Variants in PDE10A observed in about 807,000 individuals in gnomAD.
PDE10A encodes phosphodiesterase 10A, also known as cAMP and cAMP-inhibited cGMP 3',5'-cyclic phosphodiesterase 10A.
PDE10A carries 39 observed loss-of-function variants against 97.7 expected under a neutral mutation model. The observed-to-expected ratio is 0.40, with a 90% CI of 0.31 to 0.52. The LOEUF is 0.52. PDE10A is among the 20% of genes least tolerant of loss of function. The pLI, the probability that PDE10A is intolerant of heterozygous loss-of-function variation, is 0.56. For missense variants in PDE10A, 731 were observed against 1,047.8 expected, an observed-to-expected ratio of 0.70 and a Z score of 4.17; for synonymous variants, 371 against 376.8, an observed-to-expected ratio of 0.98 and a Z score of 0.18.
At chr6:165,455,960 T>C (rs763393411) in intron 3 of PDE10A, among the ~76,000 whole-genome samples, 7 of 152,226 alleles carry the variant, frequency 4.6e-5, no homozygotes, top group Non-Finnish European at 7.3e-5. Flanking sequence ...ATAAAAATCA[T>C]GAACACTTGA....
chr6:165,872,835 C>A (rs1044267846), intron 1 of PDE10A, among the ~76,000 whole-genome samples: 8 of 152,194 alleles, frequency 5.3e-5, no homozygotes, highest in African/African-American at 9.7e-5. Context: ...GTAACCACCA[C>A]CAACACTACT....
At chr6:165,874,045 T>C (rs1583218217) in intron 1 of PDE10A, among the ~76,000 whole-genome samples, 1 of 152,184 alleles carries the variant, frequency 6.6e-6, no homozygotes, top group East Asian at 1.9e-4. Context: ...AACAACATTT[T>C]GTGAGAAAAT....
At chr6:165,869,310 G>GA (rs1414843599) in intron 1 of PDE10A, among the ~76,000 whole-genome samples, 1 of 149,314 alleles carries the variant, frequency 6.7e-6, no homozygotes, top group East Asian at 2.0e-4. Context: ...CAACCTAGCT[G>GA]AAAAAAAATC....
At chr6:165,336,011 C>T (rs1054343013) in intron 21 of PDE10A, 112 bp downstream of exon 21, 9 of 861,720 alleles carry the variant, frequency 1.0e-5, no homozygotes, top group Non-Finnish European at 1.5e-5. Flanking sequence ...CACAACAACT[C>T]GACATCTAGA....
intron 1 of PDE10A, among the ~76,000 whole-genome samples, chr6:165,951,416 A>G (rs1434061516): frequency 1.3e-5 from 2 of 152,020 alleles, no homozygotes; most frequent in Admixed American, 6.6e-5. Context: ...TTTCTGATCT[A>G]TTGGCTAACA....
At chr6:165,555,862 G>A (rs1426890201) in intron 1 of PDE10A, among the ~76,000 whole-genome samples, 2 of 152,142 alleles carry the variant, frequency 1.3e-5, no homozygotes, top group Non-Finnish European at 2.9e-5. Flanking sequence ...CAAGCCAGAG[G>A]AATGTGAAGT....
At chr6:165,926,823 G>C (rs1017167557) in intron 1 of PDE10A, among the ~76,000 whole-genome samples, 2 of 152,172 alleles carry the variant, frequency 1.3e-5, no homozygotes, top group Non-Finnish European at 2.9e-5. Context: ...TGAAGATGTT[G>C]TACTTTACAT....
chr6:165,914,397 A>G (rs1782548266), intron 1 of PDE10A, among the ~76,000 whole-genome samples: 1 of 152,234 alleles, frequency 6.6e-6, no homozygotes, highest in East Asian at 1.9e-4. Context: ...ACATAATTCC[A>G]GGGGTTCGCC....
At chr6:165,906,006 T>TCCCTCCCTCCCTCCCTCCCTCCCCTC (rs1562791915) in intron 1 of PDE10A, among the ~76,000 whole-genome samples, 1 of 44,086 alleles carries the variant, frequency 2.3e-5, no homozygotes, top group African/African-American at 9.7e-5. Flanking sequence ...CTTCCTTCCT[T>TCCCTCCCTCCCTCCCTCCCTCCCCTC]CCTTCCTTCC....
rs559466003 is a variant in PDE10A at position 165,484,214 on chromosome 6, C to A, written c.995-1871G>T. Reference sequence around the variant, plus strand: ...TTTCATTTAGTTGAACTCTCTTGCCCAAGAAAAATTTAAGCATGTTGAAGA... The same window carrying A: ...TTTCATTTAGTTGAACTCTCTTGCCAAAGAAAAATTTAAGCATGTTGAAGA... On this transcript the variant is annotated intron_variant, in intron 2 of 21. Transcript: ENST00000539869. 2.0e-5 allele frequency among the ~76,000 whole-genome samples: 3 copies of A among 152,250 alleles called. No individual in the cohort carries two copies. The East Asian group carries it at 5.8e-4, about 29-fold the overall frequency.
intron 1 of PDE10A, among the ~76,000 whole-genome samples, chr6:165,915,191 A>G (rs1282711621): frequency 6.6e-6 from 1 of 152,100 alleles, no homozygotes; most frequent in Non-Finnish European, 1.5e-5. Flanking sequence ...TACAACTAGA[A>G]GTGTGGTAAC....
chr6:165,420,448 G>A (rs1358025066), intron 10 of PDE10A, among the ~76,000 whole-genome samples: 1 of 152,172 alleles, frequency 6.6e-6, no homozygotes, highest in African/African-American at 2.4e-5. Flanking sequence ...AAGGCACAGC[G>A]AGAGTGATGG....
chr6:165,977,619 T>A (rs1326340210), intron 1 of PDE10A, among the ~76,000 whole-genome samples: 1 of 152,258 alleles, frequency 6.6e-6, no homozygotes, highest in Non-Finnish European at 1.5e-5. Flanking sequence ...CTGGATTTTT[T>A]ATGAATATAA....
chr6:165,760,831 T>G (rs947793313), intron 1 of PDE10A, among the ~76,000 whole-genome samples: 28 of 152,302 alleles, frequency 1.8e-4, no homozygotes, highest in African/African-American at 6.5e-4. Context: ...GGAAGGGATT[T>G]GAGTTGTGGG....
intron 3 of PDE10A, among the ~76,000 whole-genome samples, chr6:165,462,212 T>C (rs1195121372): frequency 6.6e-6 from 1 of 152,210 alleles, no homozygotes; most frequent in African/African-American, 2.4e-5. Context: ...CAAGTCATAA[T>C]GGAAAGAATG....
At chr6:165,933,382 C>T (rs1320294680) in intron 1 of PDE10A, among the ~76,000 whole-genome samples, 1 of 152,108 alleles carries the variant, frequency 6.6e-6, no homozygotes, top group Non-Finnish European at 1.5e-5. Context: ...AGCACACGTC[C>T]ATTCATTAAT....
At position 165,699,826 on chromosome 6, in the gene PDE10A, A is replaced by G. The variant is rs192041715; in HGVS notation, c.-614-156258T>C. Among the ~76,000 whole-genome samples the G allele has an allele frequency of 7.2e-5, 11 of 152,310 alleles. No homozygotes were observed. In the East Asian group the frequency reaches 1.7e-3, roughly 24 times the overall value. On this transcript the variant is annotated intron_variant, in intron 1 of 19. Transcript: ENST00000366882. ...ATACCAAAACTTATGGGACGCAGCT[A>G]AAACAGTGCTTAAAGGGAAATTTAC... is the stretch of plus-strand genomic sequence containing the variant.
In PDE10A at chr6:165,629,543, T is replaced by TAAAA. The variant is rs141265131; in HGVS notation, c.865+32400_865+32403dup. The stretch of plus-strand genomic sequence containing the variant: ...AACCTTTTTTTTTTTTTTTTTTTTT[T>TAAAA]AAAACAGGGTCTCACTTTGTCACCC... On this transcript the variant is annotated intron_variant, in intron 1 of 21. Transcript: ENST00000539869. 1.1e-3 allele frequency among the ~76,000 whole-genome samples: 160 copies of TAAAA among 143,470 alleles called. 2 individuals are homozygous for TAAAA. Among genetic ancestry groups the TAAAA allele is most frequent in the Middle Eastern group, 0.011 (3 of 274 alleles). The allele number at this position is 143,470 out of a possible 152,430, so 94.1% of individuals were successfully genotyped here.
At chr6:165,846,754 A>T (rs1253101078) in intron 1 of PDE10A, among the ~76,000 whole-genome samples, 1 of 152,234 alleles carries the variant, frequency 6.6e-6, no homozygotes, top group Non-Finnish European at 1.5e-5. Context: ...CTGGATGAGA[A>T]GTGAGAGCCG....
Sources: gnomAD v4.1 joint callset for allele counts (sites outside exome capture counted in the v4.1 genomes callset) on GRCh38, gnomAD v4.1.1 for gene constraint, MANE v1.5 for transcripts, NCBI Gene and HGNC (gene_info 2026-07-23, HGNC 2026-07-21) for gene names.